Variants in ST8SIA2 observed in about 807,000 individuals in gnomAD.
ST8SIA2 encodes ST8 alpha-N-acetyl-neuraminide alpha-2,8-sialyltransferase 2.
ST8SIA2 carries 22 observed loss-of-function variants against 37.6 expected under a neutral mutation model. The observed-to-expected ratio is 0.58, with a 90% CI of 0.42 to 0.83. ST8SIA2 has a LOEUF of 0.83. Ranked by LOEUF, ST8SIA2 falls within the 40% of genes least tolerant of loss-of-function variation. The probability of loss-of-function intolerance (pLI) is 0.00; values close to 1 mark genes in which losing one functional copy is unlikely to be tolerated. For missense variants in ST8SIA2, 382 were observed against 484.7 expected (o/e 0.79, Z 1.99); for synonymous variants, 205 against 201.2 (o/e 1.02, Z -0.16).
intron 1 of ST8SIA2, 60 bp from the exon 2 acceptor site, chr15:92,429,989 G>C: frequency 1.9e-6 from 3 of 1,588,090 alleles, no homozygotes; most frequent in Non-Finnish European, 2.6e-6. Context: ...CCTGGCAATT[G>C]AAGAGGGCTT....
At chr15:92,461,123 T>C (rs1383213417) in intron 5 of ST8SIA2, among the ~76,000 whole-genome samples, 2 of 152,094 alleles carry the variant, frequency 1.3e-5, no homozygotes, top group Non-Finnish European at 2.9e-5. Flanking sequence ...AGTTATCTAA[T>C]AACCCTGATC....
At position 92,393,888 on chromosome 15, in the gene ST8SIA2, C is replaced by T. The variant is rs1488539678; in HGVS notation, c.-177C>T. ...AGCGGGCTCGCCGCGCCTGAGCAAC[C>T]CCTGCCTGTCGCTGCCGCTGCCGCT... is the stretch of plus-strand genomic sequence containing the variant. On this transcript the variant is annotated 5_prime_UTR_variant, in exon 1 of 6. Transcript: ENST00000268164. 2 of 234,660 alleles carry T rather than the reference C, an allele frequency of 8.5e-6. No homozygotes were observed. The highest frequency in any genetic ancestry group is 1.6e-5 in the Non-Finnish European group (2 of 128,054). 14.5% of individuals were successfully genotyped at this position (234,660 alleles called of 1,614,324 possible). A position where few individuals can be genotyped will look rare whatever the true frequency, so the allele number is the denominator to read the frequency against.
chr15:92,451,898 G>A (rs1182588622), intron 5 of ST8SIA2, among the ~76,000 whole-genome samples: 1 of 152,136 alleles, frequency 6.6e-6, no homozygotes, highest in Non-Finnish European at 1.5e-5. Flanking sequence ...ACATAACTAG[G>A]AAATAGTGAT....
intron 2 of ST8SIA2, among the ~76,000 whole-genome samples, chr15:92,432,697 C>T (rs1343429110): frequency 2.6e-5 from 4 of 152,204 alleles, no homozygotes; most frequent in Non-Finnish European, 5.9e-5. Context: ...TCTCTATCCT[C>T]TGCGAAGTTA....
chr15:92,446,855 A>G (rs1274750241), intron 5 of ST8SIA2, among the ~76,000 whole-genome samples: 3 of 152,138 alleles, frequency 2.0e-5, no homozygotes, highest in Non-Finnish European at 4.4e-5. Context: ...CCAAGAGACA[A>G]ATGTGGTTGA....
rs1339536056 is a variant in ST8SIA2 at position 92,393,910 on chromosome 15, C to T, written c.-155C>T. 4.0e-5 allele frequency: 11 copies of T among 273,574 alleles called. No homozygotes were observed. In the East Asian group the frequency reaches 6.5e-4, roughly 16 times the overall value. The allele number at this position is 273,574 out of a possible 1,614,324, so 16.9% of individuals were successfully genotyped here. A position where few individuals can be genotyped will look rare whatever the true frequency, so the allele number is the denominator to read the frequency against. On this transcript the variant is annotated 5_prime_UTR_variant, in exon 1 of 6. Coordinates refer to ENST00000268164, the MANE Select transcript of ST8SIA2 (RefSeq NM_006011.4). Reference sequence around the variant, plus strand: ...AACCCCTGCCTGTCGCTGCCGCTGCCGCTGCCGCTGCCGCCGCCGGCCCGG... The same window carrying T: ...AACCCCTGCCTGTCGCTGCCGCTGCTGCTGCCGCTGCCGCCGCCGGCCCGG...
chr15:92,442,424 A>AC (rs2049809748), intron 4 of ST8SIA2, among the ~76,000 whole-genome samples: 1 of 151,664 alleles, frequency 6.6e-6, no homozygotes, highest in Admixed American at 6.6e-5. Context: ...TTCCTGCTTC[A>AC]CCCCTCGTGA....
chr15:92,459,926 G>GA lies in ST8SIA2; in HGVS notation c.843-4168dup, dbSNP rs970847478. On this transcript the variant is annotated intron_variant, in intron 5 of 5. Coordinates refer to ENST00000268164, the MANE Select transcript of ST8SIA2 (RefSeq NM_006011.4). ...CATAAAAATCCTGATTTCTAATACA[G>GA]AAAAAATCTGAAGATCTGGGACCAC... 4.6e-5 allele frequency among the ~76,000 whole-genome samples: 7 copies of GA among 152,144 alleles called. No homozygotes were observed. The East Asian group carries it at 5.8e-4, about 13-fold the overall frequency.
intron 5 of ST8SIA2, among the ~76,000 whole-genome samples, chr15:92,452,980 A>G (rs1399173661): frequency 6.6e-6 from 1 of 152,112 alleles, no homozygotes; most frequent in African/African-American, 2.4e-5. Flanking sequence ...CTCTCATTCA[A>G]CACATCTGAG....
chr15:92,407,581 C>T (rs965813597), intron 1 of ST8SIA2, among the ~76,000 whole-genome samples: 3 of 152,290 alleles, frequency 2.0e-5, no homozygotes, highest in Admixed American at 1.3e-4. Flanking sequence ...TCTGGGGGTT[C>T]CTGAGTGGAT....
chr15:92,412,421 A>G (rs749324023), intron 1 of ST8SIA2, among the ~76,000 whole-genome samples: 4 of 151,948 alleles, frequency 2.6e-5, no homozygotes, highest in Non-Finnish European at 4.4e-5. Context: ...GGTAAATTTT[A>G]AAGGAGGGAA....
At chr15:92,454,025 C>G (rs189133539) in intron 5 of ST8SIA2, among the ~76,000 whole-genome samples, 2 of 152,170 alleles carry the variant, frequency 1.3e-5, no homozygotes, top group Admixed American at 1.3e-4. Context: ...CAGGCAGCAG[C>G]GAACCCCCCA....
At chr15:92,450,484 C>T (rs190120804) in intron 5 of ST8SIA2, among the ~76,000 whole-genome samples, 148 of 152,242 alleles carry the variant, frequency 9.7e-4, no homozygotes, top group African/African-American at 3.3e-3. Flanking sequence ...TCTGCAGGCT[C>T]GCCAGGAATC....
intron 5 of ST8SIA2, among the ~76,000 whole-genome samples, chr15:92,449,828 T>G (rs560897261): frequency 1.3e-5 from 2 of 152,332 alleles, no homozygotes; most frequent in South Asian, 4.1e-4. Flanking sequence ...TCATGTCTTT[T>G]GCCGATTTTT....
At chr15:92,447,995 T>A (rs1353254596) in intron 5 of ST8SIA2, among the ~76,000 whole-genome samples, 1 of 152,182 alleles carries the variant, frequency 6.6e-6, no homozygotes, top group African/African-American at 2.4e-5. Flanking sequence ...CTGCCCTTTG[T>A]TAAGGAGAGA....
At chr15:92,454,012 A>G (rs2049901599) in intron 5 of ST8SIA2, among the ~76,000 whole-genome samples, 1 of 152,214 alleles carries the variant, frequency 6.6e-6, no homozygotes, top group Non-Finnish European at 1.5e-5. Flanking sequence ...CTTTGGAGAT[A>G]TTCAGGCAGC....
intron 1 of ST8SIA2, among the ~76,000 whole-genome samples, chr15:92,423,207 G>C (rs2049649688): frequency 6.6e-6 from 1 of 152,202 alleles, no homozygotes; most frequent in South Asian, 2.1e-4. Flanking sequence ...AAGTTCTGGA[G>C]ACAGATGATG....
At position 92,441,577 on chromosome 15, in the gene ST8SIA2, GCACACACACACACACACACACACA is replaced by G. The variant is rs112388744; in HGVS notation, c.548+2987_548+3010del. Among the ~76,000 whole-genome samples, 662 of 143,362 alleles carry G rather than the reference GCACACACACACACACACACACACA, an allele frequency of 4.6e-3. 1 individual carries two copies. Among genetic ancestry groups the G allele is most frequent in the Non-Finnish European group, 7.6e-3 (500 of 65,370 alleles). The allele number at this position is 143,362 out of a possible 152,430, so 94.1% of individuals were successfully genotyped here. A position where few individuals can be genotyped will look rare whatever the true frequency, so the allele number is the denominator to read the frequency against. ...TGGGGAACAGAACTTCACTGTGCAT[GCACACACACACACACACACACACA>G]CACACACACACACACACACGCACTT... is the stretch of plus-strand genomic sequence containing the variant. On this transcript the variant is annotated intron_variant, in intron 4 of 5. Transcript: ENST00000268164.
At chr15:92,403,322 C>G (rs374590324) in intron 1 of ST8SIA2, among the ~76,000 whole-genome samples, 1 of 152,170 alleles carries the variant, frequency 6.6e-6, no homozygotes, top group African/African-American at 2.4e-5. Context: ...TGGCTGCTCA[C>G]CCCCATTCCT....
Sources: gnomAD v4.1 joint callset for allele counts (sites outside exome capture counted in the v4.1 genomes callset) on GRCh38, gnomAD v4.1.1 for gene constraint, MANE v1.5 for transcripts, NCBI Gene and HGNC (gene_info 2026-07-23, HGNC 2026-07-21) for gene names.